Variants in LGSN observed in about 807,000 individuals in gnomAD.
LGSN encodes the protein lengsin.
LGSN carries 21 observed loss-of-function variants against 19.5 expected under a neutral mutation model. That is an observed-to-expected ratio of 1.07 (90% CI 0.76 to 1.55). LGSN has a LOEUF of 1.55. LGSN is among the 40% of genes most tolerant of loss of function. LGSN has a pLI of 0.00. For synonymous variants in LGSN, 257 were observed against 215.6 expected (o/e 1.19, Z -1.68); for missense variants, 673 against 608.5 (o/e 1.11, Z -1.12).
the LGSN span, among the ~76,000 whole-genome samples, chr6:63,381,928 C>A: frequency 6.6e-6 from 1 of 152,024 alleles, no homozygotes; most frequent in Admixed American, 6.6e-5. Context: ...TTTTTTAATT[C>A]CAAAGAAAAT....
chr6:63,476,794 C>T, the LGSN span, among the ~76,000 whole-genome samples: 5 of 152,194 alleles, frequency 3.3e-5, no homozygotes, highest in South Asian at 2.1e-4. Context: ...TCAAGGAAAT[C>T]GCTATGACTA....
the LGSN span, among the ~76,000 whole-genome samples, chr6:63,525,360 G>A: frequency 6.6e-6 from 1 of 152,166 alleles, no homozygotes; most frequent in South Asian, 2.1e-4. Context: ...GCCAATGGGG[G>A]AGCTAGAGAG....
chr6:63,458,986 A>C, the LGSN span, among the ~76,000 whole-genome samples: 1 of 152,228 alleles, frequency 6.6e-6, no homozygotes, highest in South Asian at 2.1e-4. Flanking sequence ...TTCATAGATG[A>C]AAATACCATG....
the LGSN span, among the ~76,000 whole-genome samples, chr6:63,470,933 C>CT: frequency 0.045 from 3,255 of 72,986 alleles, 136 homozygotes; most frequent in African/African-American, 0.077. Flanking sequence ...TTCAGTCTTT[C>CT]TTTTTTTTTT....
chr6:63,350,302 A>C, the LGSN span, among the ~76,000 whole-genome samples: 1 of 152,244 alleles, frequency 6.6e-6, no homozygotes, highest in African/African-American at 2.4e-5. Context: ...TATATTAATT[A>C]TTTCACAGGG....
the LGSN span, among the ~76,000 whole-genome samples, chr6:63,389,014 T>G: frequency 2.0e-5 from 3 of 151,926 alleles, no homozygotes; most frequent in African/African-American, 7.3e-5. Context: ...GAAATACAAA[T>G]AGGATGAGGA....
At chr6:63,329,313 A>G in the LGSN span, among the ~76,000 whole-genome samples, 1 of 152,206 alleles carries the variant, frequency 6.6e-6, no homozygotes, top group Non-Finnish European at 1.5e-5. Context: ...GGAATACAAA[A>G]GAAGGCATCC....
At chr6:63,317,675 T>G (rs1768914964) in intron 1 of LGSN, among the ~76,000 whole-genome samples, 1 of 152,076 alleles carries the variant, frequency 6.6e-6, no homozygotes, top group African/African-American at 2.4e-5. Context: ...AAAGCTGGGG[T>G]AGGTAAATCT....
chr6:63,406,529 T>G, the LGSN span, among the ~76,000 whole-genome samples: 2 of 148,088 alleles, frequency 1.4e-5, no homozygotes, highest in African/African-American at 2.6e-5. Context: ...TTCAAAGCAG[T>G]GTGTAGAAGG....
the LGSN span, among the ~76,000 whole-genome samples, chr6:63,544,459 T>C: frequency 1.3e-4 from 20 of 152,202 alleles, no homozygotes; most frequent in African/African-American, 4.8e-4. Context: ...TGCAGCACAA[T>C]TATCAAAATC....
intron 1 of LGSN, among the ~76,000 whole-genome samples, chr6:63,310,614 G>A (rs1438640147): frequency 6.6e-6 from 1 of 152,114 alleles, no homozygotes. Flanking sequence ...ATATACTTTT[G>A]TAAGCAATCA....
chr6:63,482,027 T>A, the LGSN span, among the ~76,000 whole-genome samples: 3,310 of 152,352 alleles, frequency 0.022, 40 homozygotes, highest in Non-Finnish European at 0.035. Flanking sequence ...TTCTGGCATG[T>A]TTATTCTGAA....
chr6:63,280,561 G>A lies in LGSN; in HGVS notation c.990C>T (p.Ser330=), dbSNP rs776254411. Residue 330 remains serine, a synonymous_variant, in exon 4 of 4, where the codon AGC becomes AGT. Coordinates refer to ENST00000370657, the MANE Select transcript of LGSN (RefSeq NM_016571.3). ...DVDRKKNMFC[S]TSGTEQLTIT... Reference sequence around the variant, plus strand: ...TCGTGAGCTGCTCAGTTCCAGAAGTGCTGCAGAACATGTTTTTCTTCCTAT... The same window carrying A: ...TCGTGAGCTGCTCAGTTCCAGAAGTACTGCAGAACATGTTTTTCTTCCTAT... 1.2e-6 allele frequency: 2 copies of A among 1,614,062 alleles called. No individual in the cohort carries two copies. The highest frequency in any genetic ancestry group is 1.7e-6 in the Non-Finnish European group (2 of 1,180,012).
chr6:63,411,855 A>T, the LGSN span, among the ~76,000 whole-genome samples: 4 of 152,254 alleles, frequency 2.6e-5, no homozygotes, highest in African/African-American at 9.6e-5. Flanking sequence ...TCAAAAAAGA[A>T]AAAAAATTGT....
At chr6:63,371,808 G>A in the LGSN span, among the ~76,000 whole-genome samples, 1 of 152,288 alleles carries the variant, frequency 6.6e-6, no homozygotes, top group East Asian at 1.9e-4. Context: ...TCAGGTGTGG[G>A]CTAATAATGG....
At chr6:63,557,032 T>A in the LGSN span, among the ~76,000 whole-genome samples, 16 of 152,310 alleles carry the variant, frequency 1.1e-4, no homozygotes, top group South Asian at 3.3e-3. Flanking sequence ...TAGCATGAAA[T>A]ATGCTAGTTT....
the LGSN span, among the ~76,000 whole-genome samples, chr6:63,508,220 T>G: frequency 6.6e-6 from 1 of 152,202 alleles, no homozygotes; most frequent in African/African-American, 2.4e-5. Flanking sequence ...GTTTAGGACA[T>G]TAAAGCTGAA....
At chr6:63,567,259 A>G in the LGSN span, among the ~76,000 whole-genome samples, 1 of 152,220 alleles carries the variant, frequency 6.6e-6, no homozygotes, top group Non-Finnish European at 1.5e-5. Context: ...GCTTAGATCC[A>G]TCAGAGGAAT....
chr6:63,527,274 T>C, the LGSN span, among the ~76,000 whole-genome samples: 1 of 152,194 alleles, frequency 6.6e-6, no homozygotes, highest in African/African-American at 2.4e-5. Flanking sequence ...ATTGCTTGTG[T>C]CTATGTTCAA....
Sources: allele counts gnomAD v4.1 joint callset (sites outside exome capture counted in the v4.1 genomes callset), GRCh38; gene constraint gnomAD v4.1.1; transcripts MANE v1.5; gene names NCBI Gene and HGNC (gene_info 2026-07-23, HGNC 2026-07-21).